The following DPP6 variants were observed in gnomAD, a reference collection of about 807,000 sequenced individuals.
The protein encoded by DPP6 is dipeptidyl peptidase like 6.
A neutral mutation model predicts 122.6 loss-of-function variants in DPP6; 69 were observed. That is an observed-to-expected ratio of 0.56 (90% CI 0.46 to 0.69). The LOEUF (loss-of-function observed/expected upper bound fraction) is 0.69. Ranked by LOEUF, DPP6 falls within the 30% of genes least tolerant of loss-of-function variation. The probability of loss-of-function intolerance (pLI) is 0.00; values close to 1 mark genes in which losing one functional copy is unlikely to be tolerated. For missense variants in DPP6, 928 were observed against 1,116.9 expected (o/e 0.83, Z 2.41); for synonymous variants, 418 against 433.1 (o/e 0.97, Z 0.43).
At chr7:153,822,221 G>A in the DPP6 span, among the ~76,000 whole-genome samples, 12 of 113,948 alleles carry the variant, frequency 1.1e-4, no homozygotes, top group South Asian at 2.7e-3. Flanking sequence ...ATGGAGTCTC[G>A]CACTGTCCCC....
At chr7:154,135,471 G>A (rs1795503672) in intron 1 of DPP6, among the ~76,000 whole-genome samples, 1 of 151,768 alleles carries the variant, frequency 6.6e-6, no homozygotes, top group African/African-American at 2.4e-5. Context: ...TGTACTTCCT[G>A]TGAGCATACA....
chr7:154,660,667 G>A lies in DPP6; in HGVS notation c.681-8693G>A, dbSNP rs577383384. 1.7e-4 allele frequency among the ~76,000 whole-genome samples: 22 copies of A among 131,336 alleles called. 1 individual carries two copies. Among genetic ancestry groups the A allele is most frequent in the Non-Finnish European group, 2.9e-4 (18 of 62,752 alleles). 86.2% of individuals were successfully genotyped at this position (131,336 alleles called of 152,430 possible). A position where few individuals can be genotyped will look rare whatever the true frequency, so the allele number is the denominator to read the frequency against. On this transcript the variant is annotated intron_variant, in intron 6 of 25. Coordinates refer to ENST00000377770, the MANE Select transcript of DPP6 (RefSeq NM_130797.4). Reference sequence around the variant, plus strand: ...GGTGAATCACCATGGCGTATTGGCCGTAGTATTCATATAGTCATGGTGAAT... The same window carrying A: ...GGTGAATCACCATGGCGTATTGGCCATAGTATTCATATAGTCATGGTGAAT...
chr7:154,693,386 T>C (rs189730424), intron 7 of DPP6, among the ~76,000 whole-genome samples: 2 of 152,260 alleles, frequency 1.3e-5, no homozygotes, highest in African/African-American at 4.8e-5. Flanking sequence ...TTATAAGGAG[T>C]TTGAAATTTT....
At chr7:153,859,891 C>T in the DPP6 span, among the ~76,000 whole-genome samples, 7 of 152,150 alleles carry the variant, frequency 4.6e-5, no homozygotes, top group Admixed American at 2.0e-4. Flanking sequence ...ATGAGAACAG[C>T]GTGGGGAAAA....
chr7:154,565,404 TGTGA>T (rs1318564400), intron 4 of DPP6, among the ~76,000 whole-genome samples: 1 of 152,226 alleles, frequency 6.6e-6, no homozygotes, highest in African/African-American at 2.4e-5. Context: ...GTGTGCACCA[TGTGA>T]TATTACGAGC....
intron 5 of DPP6, among the ~76,000 whole-genome samples, chr7:154,594,741 C>T (rs1028077093): frequency 8.5e-5 from 13 of 152,152 alleles, no homozygotes; most frequent in Admixed American, 5.9e-4. Context: ...TTACAGTAAA[C>T]GATCAAGGAC....
chr7:153,938,989 T>C (rs1801580146), intron 1 of DPP6, among the ~76,000 whole-genome samples: 1 of 152,226 alleles, frequency 6.6e-6, no homozygotes, highest in Non-Finnish European at 1.5e-5. Flanking sequence ...AAGTAGACTG[T>C]AATTCATTTG....
intron 1 of DPP6, among the ~76,000 whole-genome samples, chr7:154,267,968 C>T (rs998003096): frequency 1.2e-4 from 18 of 151,000 alleles, no homozygotes; most frequent in Non-Finnish European, 2.4e-4. Context: ...CATATACACA[C>T]GTATATGCGC....
intron 5 of DPP6, among the ~76,000 whole-genome samples, chr7:154,595,515 A>G (rs1189326507): frequency 1.3e-5 from 2 of 152,220 alleles, no homozygotes; most frequent in Non-Finnish European, 2.9e-5. Context: ...GAGTCTTCAC[A>G]CTGATGCTGG....
At chr7:154,138,359 G>A (rs1321352130) in intron 1 of DPP6, among the ~76,000 whole-genome samples, 2 of 152,204 alleles carry the variant, frequency 1.3e-5, no homozygotes, top group African/African-American at 2.4e-5. Context: ...CATTGAAGAT[G>A]CTTTCTGGGA....
chr7:154,686,680 A>G (rs1447313145), intron 7 of DPP6, among the ~76,000 whole-genome samples: 1 of 152,144 alleles, frequency 6.6e-6, no homozygotes, highest in Non-Finnish European at 1.5e-5. Flanking sequence ...CTCACATCCC[A>G]GGGGTGTGCA....
chr7:154,406,494 C>G (rs955632441), intron 1 of DPP6, among the ~76,000 whole-genome samples: 1 of 151,688 alleles, frequency 6.6e-6, no homozygotes, highest in Admixed American at 6.6e-5. Context: ...CACACACATG[C>G]ACACATACAT....
intron 3 of DPP6, among the ~76,000 whole-genome samples, chr7:154,494,420 TTA>T (rs1313401301): frequency 1.3e-5 from 2 of 148,564 alleles, no homozygotes; most frequent in African/African-American, 4.9e-5. Context: ...TAACATATAT[TTA>T]TATATATATG....
At chr7:154,510,792 T>TA (rs1023017509) in intron 3 of DPP6, among the ~76,000 whole-genome samples, 1 of 152,004 alleles carries the variant, frequency 6.6e-6, no homozygotes, top group Non-Finnish European at 1.5e-5. Flanking sequence ...CTGAATACAC[T>TA]AAAAACCACT....
At chr7:154,082,357 C>T (rs191390840) in intron 1 of DPP6, among the ~76,000 whole-genome samples, 127 of 152,176 alleles carry the variant, frequency 8.3e-4, no homozygotes, top group Non-Finnish European at 1.3e-3. Flanking sequence ...GAGGAGAAAA[C>T]GAAATCCAGG....
the DPP6 span, among the ~76,000 whole-genome samples, chr7:153,863,970 C>T: frequency 2.0e-5 from 3 of 152,124 alleles, no homozygotes; most frequent in African/African-American, 7.2e-5. Context: ...TTTGTTTATC[C>T]GTTCATTAGT....
intron 1 of DPP6, among the ~76,000 whole-genome samples, chr7:153,895,539 G>A (rs1799371883): frequency 6.6e-6 from 1 of 152,108 alleles, no homozygotes; most frequent in Non-Finnish European, 1.5e-5. Flanking sequence ...ATTGACTTAT[G>A]TGGCATCTCT....
At chr7:153,975,708 T>G (rs1336720569) in intron 1 of DPP6, among the ~76,000 whole-genome samples, 1 of 152,176 alleles carries the variant, frequency 6.6e-6, no homozygotes, top group East Asian at 1.9e-4. Context: ...GAAGTCAAGA[T>G]AATAGTTTTC....
intron 1 of DPP6, among the ~76,000 whole-genome samples, chr7:154,295,692 A>G (rs1384900929): frequency 1.3e-5 from 2 of 151,864 alleles, no homozygotes; most frequent in Non-Finnish European, 2.9e-5. Context: ...CTCAGTGCAC[A>G]TGATATTATG....
Sources: gnomAD v4.1 joint callset for allele counts (sites outside exome capture counted in the v4.1 genomes callset) on GRCh38, gnomAD v4.1.1 for gene constraint, MANE v1.5 for transcripts, NCBI Gene and HGNC (gene_info 2026-07-23, HGNC 2026-07-21) for gene names.